The following DNM3 variants were observed in gnomAD, a reference collection of about 807,000 sequenced individuals.
DNM3 encodes the protein dynamin-3.
DNM3 carries 47 observed loss-of-function variants against 101.6 expected under a neutral mutation model. That is an observed-to-expected ratio of 0.46 (90% CI 0.37 to 0.59). The LOEUF (loss-of-function observed/expected upper bound fraction) is 0.59, where lower values mean the gene tolerates loss of function less well. Ranked by LOEUF, DNM3 falls within the 20% of genes least tolerant of loss-of-function variation. DNM3 has a pLI of 0.00. For missense variants in DNM3, 849 were observed against 1,085.7 expected (o/e 0.78, Z 3.06); for synonymous variants, 385 against 387.9 (o/e 0.99, Z 0.09).
At chr1:171,988,808 G>A in intron 3 of DNM3, 137 bp from the exon 4 acceptor site, 1 of 640,988 alleles carries the variant, frequency 1.6e-6, no homozygotes, top group South Asian at 3.1e-5. Flanking sequence ...TTTATTTTAT[G>A]CTCTTTATTC....
intron 14 of DNM3, among the ~76,000 whole-genome samples, chr1:172,206,528 T>C (rs1181261112): frequency 6.6e-6 from 1 of 151,318 alleles, no homozygotes; most frequent in Non-Finnish European, 1.5e-5. Flanking sequence ...ATAATACTGC[T>C]TTTTTTTTCT....
At chr1:172,031,371 A>G (rs574784811) in intron 4 of DNM3, among the ~76,000 whole-genome samples, 1 of 152,254 alleles carries the variant, frequency 6.6e-6, no homozygotes, top group South Asian at 2.1e-4. Flanking sequence ...GGACACAGGG[A>G]GGGGAACAAC....
intron 17 of DNM3, chr1:172,378,033 T>A (rs188402292): frequency 2.6e-5 from 4 of 152,206 alleles, no homozygotes; most frequent in African/African-American, 4.8e-5. Context: ...GAAAAGCACT[T>A]CGTGTCTACA....
At chr1:172,106,832 T>C (rs932837061) in intron 13 of DNM3, among the ~76,000 whole-genome samples, 2 of 141,380 alleles carry the variant, frequency 1.4e-5, no homozygotes, top group Admixed American at 1.5e-4. Context: ...TTATTCAATT[T>C]AAGGTAACAT....
At chr1:172,182,620 A>AC (rs2059388506) in intron 14 of DNM3, among the ~76,000 whole-genome samples, 1 of 152,144 alleles carries the variant, frequency 6.6e-6, no homozygotes, top group Admixed American at 6.6e-5. Flanking sequence ...AGAGGTACTC[A>AC]CTAAAGTGGA....
intron 13 of DNM3, among the ~76,000 whole-genome samples, chr1:172,094,178 G>A (rs548122502): frequency 6.6e-6 from 1 of 152,098 alleles, no homozygotes; most frequent in East Asian, 1.9e-4. Context: ...TGATTTTGCT[G>A]TGTTTGTTGA....
chr1:172,291,409 C>T (rs1280467668), intron 15 of DNM3, among the ~76,000 whole-genome samples: 2 of 152,156 alleles, frequency 1.3e-5, no homozygotes, highest in African/African-American at 4.8e-5. Context: ...TCATGCGGAC[C>T]TTAGGAGAGA....
At chr1:171,893,760 C>T (rs867405307) in intron 1 of DNM3, among the ~76,000 whole-genome samples, 2 of 150,970 alleles carry the variant, frequency 1.3e-5, no homozygotes, top group African/African-American at 2.4e-5. Flanking sequence ...CAGCCTTGAC[C>T]ACTTTTTTTG....
chr1:172,038,154 C>T (rs546263510), intron 6 of DNM3, among the ~76,000 whole-genome samples, 165 bp from the exon 7 acceptor site: 43 of 152,214 alleles, frequency 2.8e-4, no homozygotes, highest in Non-Finnish European at 6.2e-4. Context: ...AGTTGGTGTT[C>T]CTTCTCCCTA....
rs1430893310 is a variant in DNM3 at position 172,411,275 on chromosome 1, A to G, written c.*3434A>G. 7 of 985,132 alleles carry G rather than the reference A, an allele frequency of 7.1e-6. No homozygotes were observed. The highest frequency in any genetic ancestry group is 6.2e-5 in the Admixed American group (1 of 16,242). The allele number at this position is 985,132 out of a possible 1,614,324, so 61.0% of individuals were successfully genotyped here. On this transcript the variant is annotated 3_prime_UTR_variant, in exon 21 of 21. Transcript: ENST00000627582. The stretch of plus-strand genomic sequence containing the variant: ...GAGGTATACAAAATTTTCTAACTCC[A>G]GATTGTAGTCATTTTGAGAGGTACA...
Position 171,987,758 on chromosome 1 carries a change from A to C in DNM3, c.338A>C (p.Lys113Thr). The C allele has an allele frequency of 3.1e-6, 5 of 1,602,810 alleles. No individual in the cohort carries two copies. Among genetic ancestry groups the C allele is most frequent in the Non-Finnish European group, 4.3e-6 (5 of 1,176,250 alleles). Residue 113 changes from lysine (K) to threonine (T), a missense_variant, in exon 3 of 21, where the codon AAA becomes ACA. This residue lies in a region of DNM3 where 388 missense variants were observed against 483.0 expected (regional missense o/e 0.80). Transcript: ENST00000627582. ...AETDRVTGMN[K>T]GISSIPINLR... The stretch of plus-strand genomic sequence containing the variant: ...ACAGATCGCGTGACTGGAATGAATA[A>C]AGGCATTTCCTCCATACCCATTAAT...
chr1:171,931,804 C>CT (rs1254205019), intron 2 of DNM3, among the ~76,000 whole-genome samples: 8 of 152,138 alleles, frequency 5.3e-5, no homozygotes, highest in Admixed American at 2.0e-4. Flanking sequence ...TCTCCCATTA[C>CT]TTTTTTTAAA....
At chr1:171,865,466 T>A (rs1199969456) in intron 1 of DNM3, among the ~76,000 whole-genome samples, 1 of 133,002 alleles carries the variant, frequency 7.5e-6, no homozygotes, top group African/African-American at 2.9e-5. Context: ...CGGTGAGCCA[T>A]GATCCTGCCA....
At chr1:171,925,218 A>T (rs920158880) in intron 2 of DNM3, among the ~76,000 whole-genome samples, 6 of 143,236 alleles carry the variant, frequency 4.2e-5, no homozygotes, top group African/African-American at 1.1e-4. Flanking sequence ...CACTTTTTTT[A>T]AATTCTTTTT....
intron 4 of DNM3, among the ~76,000 whole-genome samples, chr1:172,000,654 A>G (rs1010444145): frequency 2.0e-5 from 3 of 152,092 alleles, no homozygotes; most frequent in African/African-American, 7.2e-5. Flanking sequence ...TTGTATCAAA[A>G]CTAGACTTTT....
intron 15 of DNM3, among the ~76,000 whole-genome samples, chr1:172,278,687 A>G (rs2063379366): frequency 6.6e-6 from 1 of 152,102 alleles, no homozygotes; most frequent in Admixed American, 6.6e-5. Flanking sequence ...AATCAGGAAT[A>G]TCAGCATGTG....
intron 15 of DNM3, among the ~76,000 whole-genome samples, chr1:172,284,525 C>T (rs990187443): frequency 2.0e-4 from 31 of 152,142 alleles, no homozygotes; most frequent in African/African-American, 6.5e-4. Flanking sequence ...TCGCTATGTA[C>T]CCCTAAGGGC....
intron 16 of DNM3, among the ~76,000 whole-genome samples, chr1:172,318,647 A>T (rs1213859600): frequency 2.6e-5 from 4 of 152,324 alleles, no homozygotes; most frequent in Admixed American, 6.5e-5. Flanking sequence ...ATTGCTTCAA[A>T]GAGAATAAAA....
Position 172,340,916 on chromosome 1 carries a change from C to T in DNM3, c.1893+17576C>T, listed in dbSNP as rs151239302. Among the ~76,000 whole-genome samples, 1,154 of 152,290 alleles carry T rather than the reference C, an allele frequency of 7.6e-3. 20 individuals are homozygous for T. Among genetic ancestry groups the T allele is most frequent in the African/African-American group, 0.026 (1,081 of 41,544 alleles). On this transcript the variant is annotated intron_variant, in intron 17 of 20. Transcript: ENST00000627582. Reference sequence around the variant, plus strand: ...GAAGTGCTTCCAGCTTTTGTCCATTCAGTATGTTGTTGACTGTGGGTTGGT... The same window carrying T: ...GAAGTGCTTCCAGCTTTTGTCCATTTAGTATGTTGTTGACTGTGGGTTGGT...
Sources: allele counts gnomAD v4.1 joint callset (sites outside exome capture counted in the v4.1 genomes callset), GRCh38; gene constraint gnomAD v4.1.1; regional missense constraint gnomAD v4.1.1; transcripts MANE v1.5; gene names NCBI Gene and HGNC (gene_info 2026-07-23, HGNC 2026-07-21).